The following SHANK2 variants were observed in gnomAD, a reference collection of about 807,000 sequenced individuals.
SHANK2 encodes the protein SH3 and multiple ankyrin repeat domains protein 2.
Under a neutral mutation model 133.7 loss-of-function variants are expected in SHANK2, and 43 were observed. That is an observed-to-expected ratio of 0.32 (90% CI 0.25 to 0.41). The LOEUF (loss-of-function observed/expected upper bound fraction) is 0.41. Among genes scored for constraint, SHANK2 ranks in the 10% least tolerant of loss-of-function variants. The probability of loss-of-function intolerance (pLI) is 1.00; values close to 1 mark genes in which losing one functional copy is unlikely to be tolerated. For missense variants in SHANK2, 1,994 were observed against 2,235.8 expected (o/e 0.89, Z 2.18); for synonymous variants, 1,017 against 952.8 (o/e 1.07, Z -1.24).
chr11:70,478,819 C>G (rs2058697415), intron 25 of SHANK2, among the ~76,000 whole-genome samples: 1 of 152,182 alleles, frequency 6.6e-6, no homozygotes, highest in Non-Finnish European at 1.5e-5. Flanking sequence ...TTTCCCAGAT[C>G]AGAAAGTTAA....
intron 15 of SHANK2, chr11:70,698,210 G>T (rs1223477090): frequency 5.0e-6 from 1 of 198,628 alleles, no homozygotes; most frequent in Non-Finnish European, 1.0e-5. Context: ...GTGCTTAGAA[G>T]ATCTGGCTAC....
At chr11:71,214,722 C>T (rs1954366498) in intron 2 of SHANK2, among the ~76,000 whole-genome samples, 1 of 152,178 alleles carries the variant, frequency 6.6e-6, no homozygotes, top group Non-Finnish European at 1.5e-5. Flanking sequence ...CGCGTGCCAC[C>T]CCGGGCTGCC....
At chr11:71,204,431 T>C (rs1420032609) in intron 2 of SHANK2, among the ~76,000 whole-genome samples, 2 of 152,034 alleles carry the variant, frequency 1.3e-5, no homozygotes, top group Non-Finnish European at 1.5e-5. Context: ...AAAGTGAGCC[T>C]GTGCCAGGAA....
At chr11:70,866,304 A>G (rs1201817378) in intron 11 of SHANK2, among the ~76,000 whole-genome samples, 1 of 152,060 alleles carries the variant, frequency 6.6e-6, no homozygotes, top group Admixed American at 6.5e-5. Flanking sequence ...CGCGGCACCA[A>G]ATGGGGGGAA....
intron 2 of SHANK2, among the ~76,000 whole-genome samples, chr11:71,172,100 C>T (rs944457041): frequency 6.6e-6 from 1 of 152,202 alleles, no homozygotes; most frequent in Non-Finnish European, 1.5e-5. Context: ...CCATCCGTGG[C>T]ACACTGACCA....
chr11:70,943,601 G>T (rs547536250), intron 10 of SHANK2, among the ~76,000 whole-genome samples: 1 of 152,298 alleles, frequency 6.6e-6, no homozygotes, highest in East Asian at 1.9e-4. Flanking sequence ...CAGGAGAAGA[G>T]CCTGGGCCAG....
In SHANK2 at chr11:70,500,452, A is replaced by G; in HGVS notation, c.2308+118T>C. On this transcript the variant is annotated intron_variant, in intron 21 of 25. Transcript: ENST00000601538. This position sits in a 1 kb window ranked among gnomAD's most constrained non-coding sequence, Gnocchi z 4.5. ...CAGGGCTCCTCGGGCAGGACCCAGC[A>G]GGAGAAGCCAACAAGGCTTTGCGAC... is the stretch of plus-strand genomic sequence containing the variant. The G allele has an allele frequency of 7.2e-7, 1 of 1,396,482 alleles. No homozygotes were observed. The highest frequency in any genetic ancestry group is 9.9e-7 in the Non-Finnish European group (1 of 1,007,622). The allele number at this position is 1,396,482 out of a possible 1,614,324, so 86.5% of individuals were successfully genotyped here. A position where few individuals can be genotyped will look rare whatever the true frequency, so the allele number is the denominator to read the frequency against.
At chr11:70,556,502 A>G (rs1392364948) in intron 17 of SHANK2, among the ~76,000 whole-genome samples, 2 of 151,248 alleles carry the variant, frequency 1.3e-5, no homozygotes, top group African/African-American at 4.9e-5. Flanking sequence ...TGTAGCCTCA[A>G]ACTCCTGGGC....
intron 17 of SHANK2, chr11:70,646,384 G>A (rs186877802): frequency 5.9e-5 from 9 of 152,354 alleles, no homozygotes; most frequent in East Asian, 3.9e-4. Flanking sequence ...CAAGTTCGTG[G>A]TGCATGGTAG....
intron 2 of SHANK2, among the ~76,000 whole-genome samples, chr11:71,222,698 C>G (rs1954573017): frequency 6.6e-6 from 1 of 152,238 alleles, no homozygotes. Context: ...CAACCCCGAG[C>G]CTGCAGGGAC....
intron 11 of SHANK2, among the ~76,000 whole-genome samples, chr11:70,881,788 G>A (rs1555072476): frequency 6.6e-6 from 1 of 151,016 alleles, no homozygotes; most frequent in African/African-American, 2.4e-5. Context: ...ACAGTGCCGT[G>A]GCCCCATCAT....
chr11:70,524,248 G>T (rs2059367882), intron 17 of SHANK2, among the ~76,000 whole-genome samples: 1 of 152,368 alleles, frequency 6.6e-6, no homozygotes, highest in South Asian at 2.1e-4. Flanking sequence ...CAGTGCAGCT[G>T]TGAATGCCAC....
intron 2 of SHANK2, among the ~76,000 whole-genome samples, chr11:71,154,590 TG>T (rs1193656925): frequency 1.3e-5 from 2 of 152,236 alleles, no homozygotes; most frequent in Admixed American, 6.5e-5. Flanking sequence ...TGGACTGCTC[TG>T]GAAGTTTCTG....
At position 70,752,491 on chromosome 11, in the gene SHANK2, G is replaced by A. The variant is rs1946770685; in HGVS notation, c.1777+45952C>T. Among the ~76,000 whole-genome samples, 9 of 152,314 alleles carry A rather than the reference G, an allele frequency of 5.9e-5. No individual in the cohort carries two copies. In the South Asian group the frequency reaches 1.9e-3, roughly 32 times the overall value. ...CCCAGCACTTTGGGAGGCCGAGGCA[G>A]ACGGATCACAAGGTCAGGAGATCGA... On this transcript the variant is annotated intron_variant, in intron 14 of 25. Transcript: ENST00000601538.
chr11:70,525,038 C>A (rs2059378346), intron 17 of SHANK2, among the ~76,000 whole-genome samples: 1 of 152,252 alleles, frequency 6.6e-6, no homozygotes, highest in South Asian at 2.1e-4. Context: ...AGGCTCTGTG[C>A]AGGTCCCAGC....
chr11:71,056,220 G>A (rs1176316410), intron 10 of SHANK2, among the ~76,000 whole-genome samples: 3 of 152,142 alleles, frequency 2.0e-5, no homozygotes, highest in Non-Finnish European at 4.4e-5. Context: ...CTGCCTTTCC[G>A]GCGCTGACTG....
intron 2 of SHANK2, among the ~76,000 whole-genome samples, chr11:71,195,471 A>C (rs534034216): frequency 1.3e-3 from 191 of 152,342 alleles, no homozygotes; most frequent in Non-Finnish European, 1.9e-3. Context: ...GGAGACATGA[A>C]ATTTTATACT....
intron 1 of SHANK2, among the ~76,000 whole-genome samples, chr11:71,248,944 C>A (rs1222933629): frequency 6.6e-6 from 1 of 152,160 alleles, no homozygotes; most frequent in Admixed American, 6.5e-5. Flanking sequence ...TAGAAGCTCC[C>A]GGAGGCAGCC....
At chr11:70,553,773 C>A (rs572961251) in intron 17 of SHANK2, among the ~76,000 whole-genome samples, 5 of 152,314 alleles carry the variant, frequency 3.3e-5, no homozygotes, top group South Asian at 4.1e-4. Context: ...TGATGATCTG[C>A]GTGACATAGG....
Sources: allele counts gnomAD v4.1 joint callset (sites outside exome capture counted in the v4.1 genomes callset), GRCh38; gene constraint gnomAD v4.1.1; non-coding constraint Gnocchi (gnomAD v3.1); transcripts MANE v1.5; gene names NCBI Gene and HGNC (gene_info 2026-07-23, HGNC 2026-07-21).